EYS: variants seen among roughly 807,000 people sequenced by gnomAD.
The protein encoded by EYS is EGF-like photoreceptor maintenance factor.
Under a neutral mutation model 282.1 loss-of-function variants are expected in EYS, and 250 were observed. That is an observed-to-expected ratio of 0.89 (90% CI 0.80 to 0.98). The LOEUF (loss-of-function observed/expected upper bound fraction) is 0.98, where lower values mean the gene tolerates loss of function less well. Among genes scored for constraint, EYS ranks in the 50% least tolerant of loss-of-function variants. The pLI is 0.00. For missense variants in EYS, 4,016 were observed against 3,709.0 expected (o/e 1.08, Z -2.15); for synonymous variants, 1,355 against 1,282.9 (o/e 1.06, Z -1.20).
intron 18 of EYS, among the ~76,000 whole-genome samples, chr6:64,901,061 T>C (rs946287127): frequency 1.3e-5 from 2 of 151,110 alleles, no homozygotes; most frequent in African/African-American, 4.9e-5. Flanking sequence ...CTATGAGCTA[T>C]AAAAAAGAAT....
At chr6:65,306,859 A>AAAAAAAAAAAAAAAAAAAAAAAG (rs1346343044) in intron 11 of EYS, among the ~76,000 whole-genome samples, 3 of 142,394 alleles carry the variant, frequency 2.1e-5, no homozygotes, top group Non-Finnish European at 3.1e-5. Flanking sequence ...AAAAAAAAAA[A>AAAAAAAAAAAAAAAAAAAAAAAG]AAAGAAAGTC....
At chr6:65,533,755 C>T (rs1024986588) in intron 2 of EYS, among the ~76,000 whole-genome samples, 1 of 152,098 alleles carries the variant, frequency 6.6e-6, no homozygotes, top group African/African-American at 2.4e-5. Context: ...AGTCTGCTGG[C>T]ACCTTGATCT....
At chr6:64,446,084 G>A (rs928990095) in intron 26 of EYS, among the ~76,000 whole-genome samples, 6 of 152,262 alleles carry the variant, frequency 3.9e-5, no homozygotes, top group African/African-American at 1.4e-4. Flanking sequence ...ATATGCAGTA[G>A]CTCTTGCCTT....
At chr6:64,528,512 T>C (rs1460063009) in intron 26 of EYS, among the ~76,000 whole-genome samples, 5 of 151,996 alleles carry the variant, frequency 3.3e-5, no homozygotes, top group Non-Finnish European at 5.9e-5. Flanking sequence ...ATTTAACCAT[T>C]ATTTCTCTCC....
intron 35 of EYS, among the ~76,000 whole-genome samples, chr6:63,869,242 T>C (rs2149711816): frequency 6.6e-6 from 1 of 152,178 alleles, no homozygotes; most frequent in South Asian, 2.1e-4. Context: ...AAATGGAAAA[T>C]CCATAAACAA....
At chr6:64,879,479 G>C (rs149495270) in intron 19 of EYS, among the ~76,000 whole-genome samples, 2 of 152,062 alleles carry the variant, frequency 1.3e-5, no homozygotes, top group African/African-American at 4.8e-5. Flanking sequence ...CTGAGGCAAG[G>C]CAGGAAAAAA....
chr6:64,242,420 C>G (rs1271913257), intron 30 of EYS, among the ~76,000 whole-genome samples: 11 of 147,596 alleles, frequency 7.5e-5, no homozygotes, highest in African/African-American at 2.7e-4. Flanking sequence ...TTCTTCCCTC[C>G]ACACCTCAAA....
intron 12 of EYS, among the ~76,000 whole-genome samples, chr6:65,275,962 C>A (rs1426779534): frequency 6.6e-6 from 1 of 152,094 alleles, no homozygotes; most frequent in Admixed American, 6.6e-5. Flanking sequence ...TGGTATTCCA[C>A]ATAACACTGC....
chr6:64,382,712 T>C (rs1261921903), intron 29 of EYS, among the ~76,000 whole-genome samples: 2 of 152,102 alleles, frequency 1.3e-5, no homozygotes, highest in Non-Finnish European at 1.5e-5. Flanking sequence ...CAAACAGAGG[T>C]CCGAAGGATG....
At chr6:64,633,712 C>G (rs1420760904) in intron 22 of EYS, among the ~76,000 whole-genome samples, 2 of 151,474 alleles carry the variant, frequency 1.3e-5, no homozygotes, top group African/African-American at 4.8e-5. Flanking sequence ...GTTTGGATCT[C>G]TTGTGCAGGC....
At chr6:64,722,883 A>G (rs1036284815) in intron 22 of EYS, among the ~76,000 whole-genome samples, 3 of 152,178 alleles carry the variant, frequency 2.0e-5, no homozygotes, top group African/African-American at 7.2e-5. Context: ...TGACTGTGTT[A>G]TTCGCCTGAT....
intron 12 of EYS, among the ~76,000 whole-genome samples, chr6:65,202,756 A>C (rs557788769): frequency 5.9e-5 from 9 of 152,136 alleles, no homozygotes; most frequent in African/African-American, 2.2e-4. Flanking sequence ...TCTGGGCACA[A>C]ATGGTTTTGG....
intron 41 of EYS, among the ~76,000 whole-genome samples, 185 bp downstream of exon 41, chr6:63,762,276 G>A (rs1308610723): frequency 6.6e-6 from 1 of 151,982 alleles, no homozygotes; most frequent in Non-Finnish European, 1.5e-5. Context: ...CATATTTTTT[G>A]TACTACTGAA....
intron 36 of EYS, among the ~76,000 whole-genome samples, chr6:63,834,247 A>G (rs1771734791): frequency 6.6e-6 from 1 of 152,218 alleles, no homozygotes; most frequent in Non-Finnish European, 1.5e-5. Context: ...GCACAGCAAA[A>G]GAAACTACCA....
rs148171673 is a variant in EYS at position 65,008,768 on chromosome 6, A to G, written c.2138-11065T>C. 9.7e-3 allele frequency among the ~76,000 whole-genome samples: 1,479 copies of G among 152,258 alleles called. 18 individuals carry two copies. The highest frequency in any genetic ancestry group is 0.034 in the African/African-American group (1,419 of 41,548). ...CCTGGGGCAAGCGCCAGCCCATGCC[A>G]TCACCCTCACAGAGCCCCAGGTATG... is the stretch of plus-strand genomic sequence containing the variant. On this transcript the variant is annotated intron_variant, in intron 13 of 42. Coordinates refer to ENST00000503581, the MANE Select transcript of EYS (RefSeq NM_001142800.2).
chr6:64,403,304 A>G (rs1433988783), intron 28 of EYS, among the ~76,000 whole-genome samples: 1 of 152,192 alleles, frequency 6.6e-6, no homozygotes, highest in Admixed American at 6.5e-5. Context: ...GAATATTCAC[A>G]AAATATGTCT....
intron 1 of EYS, among the ~76,000 whole-genome samples, chr6:65,661,554 A>G (rs970629529): frequency 6.6e-6 from 1 of 152,078 alleles, no homozygotes; most frequent in Non-Finnish European, 1.5e-5. Flanking sequence ...ACAATTTTGA[A>G]TGAATGAGAT....
At chr6:64,241,277 T>G (rs1034401335) in intron 30 of EYS, among the ~76,000 whole-genome samples, 3 of 152,134 alleles carry the variant, frequency 2.0e-5, no homozygotes, top group Admixed American at 2.0e-4. Context: ...TTGGGGAGAA[T>G]TCCCTCTTTT....
chr6:64,453,871 T>A (rs1233440377), intron 26 of EYS, among the ~76,000 whole-genome samples: 1 of 150,456 alleles, frequency 6.6e-6, no homozygotes, highest in African/African-American at 2.5e-5. Flanking sequence ...GTGGGGGGAG[T>A]GGGGAGGGAT....
Sources: gnomAD v4.1 joint callset for allele counts (sites outside exome capture counted in the v4.1 genomes callset) on GRCh38, gnomAD v4.1.1 for gene constraint, MANE v1.5 for transcripts, NCBI Gene and HGNC (gene_info 2026-07-23, HGNC 2026-07-21) for gene names.